GPC6: variants seen among roughly 807,000 people sequenced by gnomAD.
The protein encoded by GPC6 is glypican-6.
Under a neutral mutation model 55.2 loss-of-function variants are expected in GPC6, and 14 were observed. That is an observed-to-expected ratio of 0.25 (90% CI 0.17 to 0.40). GPC6 has a LOEUF of 0.40. Among genes scored for constraint, GPC6 ranks in the 10% least tolerant of loss-of-function variants. The pLI, the probability that GPC6 is intolerant of heterozygous loss-of-function variation, is 1.00. For missense variants in GPC6, 641 were observed against 708.5 expected, an observed-to-expected ratio of 0.90 and a Z score of 1.08; for synonymous variants, 278 against 259.6, an observed-to-expected ratio of 1.07 and a Z score of -0.68.
intron 1 of GPC6, among the ~76,000 whole-genome samples, chr13:93,296,094 A>G (rs905764234): frequency 1.3e-5 from 2 of 152,116 alleles, no homozygotes; most frequent in Admixed American, 6.5e-5. Flanking sequence ...GGATTTCAAC[A>G]TATGAGTTTT....
At chr13:93,960,919 TCTC>T (rs1177488351) in intron 3 of GPC6, among the ~76,000 whole-genome samples, 9 of 151,602 alleles carry the variant, frequency 5.9e-5, no homozygotes, top group African/African-American at 2.2e-4. Flanking sequence ...TTCATGCCAT[TCTC>T]CTGCCTCAGC....
intron 6 of GPC6, among the ~76,000 whole-genome samples, chr13:94,355,458 G>T (rs9589965): frequency 0.048 from 7,325 of 152,202 alleles, 574 homozygotes; most frequent in African/African-American, 0.16. Flanking sequence ...TTCTGGAAGA[G>T]AAAATAATCC....
At chr13:93,675,734 A>G (rs965855754) in intron 2 of GPC6, among the ~76,000 whole-genome samples, 1 of 152,130 alleles carries the variant, frequency 6.6e-6, no homozygotes, top group Non-Finnish European at 1.5e-5. Flanking sequence ...ACCCATTTAT[A>G]TGATCACTTA....
At chr13:93,296,870 G>A (rs1482727100) in intron 1 of GPC6, among the ~76,000 whole-genome samples, 1 of 152,178 alleles carries the variant, frequency 6.6e-6, no homozygotes, top group African/African-American at 2.4e-5. Context: ...CCCTTCAGGA[G>A]TCGTAGCCAT....
At chr13:93,587,288 G>A (rs891479152) in intron 2 of GPC6, among the ~76,000 whole-genome samples, 1 of 152,172 alleles carries the variant, frequency 6.6e-6, no homozygotes, top group East Asian at 1.9e-4. Context: ...GAAGTTATGA[G>A]AGTTAATGTC....
At chr13:93,715,012 G>T (rs1380758648) in intron 2 of GPC6, among the ~76,000 whole-genome samples, 1 of 151,556 alleles carries the variant, frequency 6.6e-6, no homozygotes, top group Non-Finnish European at 1.5e-5. Flanking sequence ...AGCAATGAAG[G>T]TCAGTTTTGC....
chr13:93,639,238 A>G (rs1879815546), intron 2 of GPC6, among the ~76,000 whole-genome samples: 1 of 152,152 alleles, frequency 6.6e-6, no homozygotes, highest in Non-Finnish European at 1.5e-5. Flanking sequence ...ACTGGAGCCC[A>G]CAGTATCCTG....
intron 2 of GPC6, among the ~76,000 whole-genome samples, chr13:93,580,205 T>C (rs970354386): frequency 2.0e-5 from 3 of 152,116 alleles, no homozygotes; most frequent in African/African-American, 7.2e-5. Context: ...CCTCACCTGG[T>C]GGAAAGAGCA....
At chr13:94,113,416 T>C (rs949299611) in intron 4 of GPC6, among the ~76,000 whole-genome samples, 25 of 152,130 alleles carry the variant, frequency 1.6e-4, no homozygotes, top group Non-Finnish European at 1.5e-5. Flanking sequence ...TTCATTTCCT[T>C]CTTCTTACCC....
chr13:94,195,412 A>G (rs924840278), intron 4 of GPC6, among the ~76,000 whole-genome samples: 9 of 152,240 alleles, frequency 5.9e-5, no homozygotes, highest in African/African-American at 2.2e-4. Context: ...AACTCCATAC[A>G]AAAGCATGTA....
chr13:93,749,325 C>A (rs780081707), intron 2 of GPC6, among the ~76,000 whole-genome samples: 2 of 151,968 alleles, frequency 1.3e-5, no homozygotes, highest in Admixed American at 1.3e-4. Context: ...CTATCTTACA[C>A]TTCCTGGATA....
intron 2 of GPC6, among the ~76,000 whole-genome samples, chr13:93,738,378 C>T (rs1480585916): frequency 6.6e-6 from 1 of 152,160 alleles, no homozygotes; most frequent in African/African-American, 2.4e-5. Flanking sequence ...TTTCTGAAAG[C>T]ACAGTGACCA....
intron 6 of GPC6, among the ~76,000 whole-genome samples, chr13:94,370,721 T>C (rs1185241091): frequency 6.6e-6 from 1 of 152,200 alleles, no homozygotes; most frequent in Non-Finnish European, 1.5e-5. Flanking sequence ...TTTTTGGTCT[T>C]GCACCTCTAT....
intron 2 of GPC6, among the ~76,000 whole-genome samples, chr13:93,550,962 G>A (rs1183121333): frequency 6.6e-6 from 1 of 152,110 alleles, no homozygotes; most frequent in African/African-American, 2.4e-5. Flanking sequence ...AAACCTAAGA[G>A]TAAGAAAGGC....
At chr13:93,716,073 T>C (rs1883245823) in intron 2 of GPC6, among the ~76,000 whole-genome samples, 1 of 151,630 alleles carries the variant, frequency 6.6e-6, no homozygotes, top group Admixed American at 6.6e-5. Flanking sequence ...ACACAGTGCA[T>C]TACTCATGTG....
At chr13:94,158,091 C>T (rs966079214) in intron 4 of GPC6, among the ~76,000 whole-genome samples, 1 of 152,160 alleles carries the variant, frequency 6.6e-6, no homozygotes, top group African/African-American at 2.4e-5. Context: ...GGCTAATGGT[C>T]AGTAAGCCCA....
chr13:94,002,447 C>T (rs1227273124), intron 3 of GPC6, among the ~76,000 whole-genome samples: 1 of 151,952 alleles, frequency 6.6e-6, no homozygotes, highest in Non-Finnish European at 1.5e-5. Flanking sequence ...ATGTATTGGC[C>T]CAAGTTATTA....
At chr13:94,058,082 C>A (rs1488133999) in intron 4 of GPC6, among the ~76,000 whole-genome samples, 3 of 152,122 alleles carry the variant, frequency 2.0e-5, no homozygotes, top group Admixed American at 2.0e-4. Context: ...GGGAAATAAA[C>A]CTAGACTACT....
At chr13:93,803,808 G>A (rs1289059583) in intron 2 of GPC6, among the ~76,000 whole-genome samples, 1 of 152,146 alleles carries the variant, frequency 6.6e-6, no homozygotes, top group African/African-American at 2.4e-5. Context: ...AAATCATTAT[G>A]CTAAGGGCAA....
Sources: allele counts gnomAD v4.1 joint callset (sites outside exome capture counted in the v4.1 genomes callset), GRCh38; gene constraint gnomAD v4.1.1; transcripts MANE v1.5; gene names NCBI Gene and HGNC (gene_info 2026-07-23, HGNC 2026-07-21).